Variants in P2RX5 observed in about 807,000 individuals in gnomAD.
The protein encoded by P2RX5 is purinergic receptor P2X 5, also known as P2X purinoceptor 5.
Under a neutral mutation model 54.1 loss-of-function variants are expected in P2RX5, and 46 were observed. That is an observed-to-expected ratio of 0.85 (90% CI 0.67 to 1.09). The LOEUF (loss-of-function observed/expected upper bound fraction) is 1.09, where lower values mean the gene tolerates loss of function less well. Ranked by LOEUF, P2RX5 falls within the 50% of genes least tolerant of loss-of-function variation. The probability of loss-of-function intolerance (pLI) is 0.00; values close to 1 mark genes in which losing one functional copy is unlikely to be tolerated. For missense variants in P2RX5, 566 were observed against 549.8 expected (o/e 1.03, Z -0.29); for synonymous variants, 226 against 226.4 (o/e 1.00, Z 0.02).
the P2RX5 span, among the ~76,000 whole-genome samples, chr17:3,709,768 G>C: frequency 1.3e-5 from 2 of 152,064 alleles, no homozygotes; most frequent in African/African-American, 4.8e-5. Flanking sequence ...AATTAGCTGG[G>C]CATGGTGGCG....
At chr17:3,688,908 C>T in intron 7 of P2RX5, 149 bp from the exon 8 acceptor site, 1 of 842,874 alleles carries the variant, frequency 1.2e-6, no homozygotes, top group South Asian at 1.4e-5. Context: ...AGGCTTAGTC[C>T]CCCCATGGAG....
chr17:3,702,797 A>G, the P2RX5 span, among the ~76,000 whole-genome samples: 1 of 152,164 alleles, frequency 6.6e-6, no homozygotes, highest in Admixed American at 6.6e-5. Context: ...TTCCAGACAC[A>G]TTGGGACTAT....
intron 1 of P2RX5, among the ~76,000 whole-genome samples, chr17:3,692,978 G>A (rs2654679): frequency 0.16 from 23,765 of 152,062 alleles, 2,543 homozygotes; most frequent in South Asian, 0.47. Flanking sequence ...AAAGTGAAAA[G>A]ACAACCCACA....
In P2RX5 at chr17:3,689,683, G is replaced by A. The variant is rs187885377; in HGVS notation, c.615-53C>T. ...AATGAAGTAAGACTTGATGTTTCCC[G>A]GCCTGGCCAGGAGTCACTCGGTCCC... On this transcript the variant is annotated intron_variant, in intron 6 of 11. Transcript: ENST00000225328. The A allele has an allele frequency of 4.0e-5, 65 of 1,611,634 alleles. No homozygotes were observed. In the South Asian group the frequency reaches 6.2e-4, roughly 15 times the overall value.
the P2RX5 span, chr17:3,723,311 T>G: frequency 6.2e-7 from 1 of 1,612,794 alleles, no homozygotes; most frequent in Non-Finnish European, 8.5e-7. Context: ...TCCCAGGAGA[T>G]CTCTGCAGCC....
Position 3,681,891 on chromosome 17 carries a change from C to A in P2RX5, c.1064+5G>T. On this transcript the variant is annotated splice_donor_5th_base_variant and intron_variant, in intron 10 of 11. Coordinates refer to ENST00000225328, the MANE Select transcript of P2RX5 (RefSeq NM_002561.4). ...TCGGGCCGCCGGCCTGGAAGCGGAA[C>A]TGACCTCACTTCCTCGTACTTCTTG... 6.2e-7 allele frequency: 1 copy of A among 1,603,564 alleles called. No individual in the cohort carries two copies. The highest frequency in any genetic ancestry group is 2.2e-5 in the East Asian group (1 of 44,820).
rs751878310 is a variant in P2RX5, at chr17:3,690,074, A to G, written c.610T>C (p.Ser204Pro). Residue 204 changes from serine to proline, a missense_variant, in exon 6 of 12, where the codon TCC becomes CCC. Ser to Pro is a moderately conservative substitution (Grantham distance 74, BLOSUM62 -1). Transcript: ENST00000225328. ...NHIRFPKFNF[S>P]KSNVMDVKDR... ...CCAGTAGCCAAGCCCACGTACTTGGAGAAGTTGAATTTGGGGAAACGGATG... is the reference window on the plus strand; with the variant it reads ...CCAGTAGCCAAGCCCACGTACTTGGGGAAGTTGAATTTGGGGAAACGGATG... 2 of 1,614,040 alleles carry G rather than the reference A, an allele frequency of 1.2e-6. No individual in the cohort carries two copies. The highest frequency in any genetic ancestry group is 2.2e-5 in the South Asian group (2 of 91,084).
rs1483463949 is a variant in P2RX5, at chr17:3,690,993, A to G, written c.323T>C (p.Ile108Thr). The G allele has an allele frequency of 8.7e-6, 14 of 1,612,970 alleles. No individual in the cohort carries two copies. Among genetic ancestry groups the G allele is most frequent in the Non-Finnish European group, 1.1e-5 (13 of 1,179,760 alleles). Reference sequence around the variant, plus strand: ...GTTCTGCCGCTGGTTGGGGGTCACAATCAGGTTGGTGACCACAAAAAAGAC... The same window carrying G: ...GTTCTGCCGCTGGTTGGGGGTCACAGTCAGGTTGGTGACCACAAAAAAGAC... ...ENVFFVVTNL[I>T]VTPNQRQNVC... The change falls in exon 3 of 12, where the codon ATT (isoleucine) becomes ACT (threonine). Residue 108 changes from isoleucine (I) to threonine (T), a missense_variant. Physicochemically the swap from Ile to Thr is moderately conservative, Grantham distance 89 (BLOSUM62 -1). Transcript: ENST00000225328.
At chr17:3,722,932 G>C in the P2RX5 span, among the ~76,000 whole-genome samples, 1 of 152,230 alleles carries the variant, frequency 6.6e-6, no homozygotes, top group African/African-American at 2.4e-5. Context: ...GAAGGTTATT[G>C]CAACAGCCCT....
the P2RX5 span, chr17:3,716,790 G>T: frequency 6.4e-7 from 1 of 1,569,510 alleles, no homozygotes; most frequent in South Asian, 1.1e-5. Context: ...TCAGGAAGAC[G>T]ACAGTGATCT....
chr17:3,712,957 C>G, the P2RX5 span, among the ~76,000 whole-genome samples: 1 of 151,966 alleles, frequency 6.6e-6, no homozygotes, highest in Admixed American at 6.6e-5. Flanking sequence ...AAAACAAAAC[C>G]ACAGTTCAGT....
chr17:3,720,980 G>A, the P2RX5 span, among the ~76,000 whole-genome samples: 5 of 152,174 alleles, frequency 3.3e-5, no homozygotes, highest in African/African-American at 9.7e-5. Context: ...CCATGCTGGA[G>A]TGCAATGGCA....
chr17:3,688,191 A>G lies in P2RX5; in HGVS notation c.888-86T>C, dbSNP rs577598577. On this transcript the variant is annotated intron_variant, in intron 8 of 11. Coordinates refer to ENST00000225328, the MANE Select transcript of P2RX5 (RefSeq NM_002561.4). ...ACTGATGTGGCTGCTCTGGGGACTT[A>G]GAAGGACTCCCGGAACCCTGACTCT... The G allele has an allele frequency of 8.3e-4, 636 of 767,852 alleles. 4 individuals are homozygous for G. The African/African-American group carries it at 9.6e-3, about 12-fold the overall frequency. 47.6% of individuals were successfully genotyped at this position (767,852 alleles called of 1,614,324 possible). A position where few individuals can be genotyped will look rare whatever the true frequency, so the allele number is the denominator to read the frequency against.
upstream of P2RX5, chr17:3,696,485 C>T (rs2050761644): frequency 6.6e-6 from 1 of 152,258 alleles, no homozygotes. Context: ...GACGGAGCCT[C>T]GCTCTGTCGC....
chr17:3,716,747 T>C, the P2RX5 span: 1 of 1,612,110 alleles, frequency 6.2e-7, no homozygotes, highest in African/African-American at 1.3e-5. Context: ...CTGCCTTTAA[T>C]GATGATAGGC....
chr17:3,690,723 G>A (rs758387807), intron 3 of P2RX5, 43 bp from the exon 4 acceptor site: 2 of 1,579,570 alleles, frequency 1.3e-6, no homozygotes, highest in Admixed American at 3.3e-5. Context: ...GGTTCCCCCA[G>A]CTCAGAGCCG....
upstream of P2RX5, among the ~76,000 whole-genome samples, chr17:3,698,132 C>A (rs55718064): frequency 4.6e-3 from 699 of 152,020 alleles, 5 homozygotes; most frequent in Non-Finnish European, 6.8e-3. Flanking sequence ...CATCTTGGCT[C>A]TCCTGCCAGC....
intron 1 of P2RX5, 70 bp from the exon 2 acceptor site, chr17:3,691,864 G>C (rs752679089): frequency 5.2e-6 from 8 of 1,541,740 alleles, no homozygotes; most frequent in Middle Eastern, 1.7e-4. Context: ...CCAGGCCTTG[G>C]GGTGGGGTAG....
the P2RX5 span, among the ~76,000 whole-genome samples, chr17:3,709,312 G>C: frequency 6.6e-6 from 1 of 152,086 alleles, no homozygotes; most frequent in African/African-American, 2.4e-5. Flanking sequence ...TTGCGACAAA[G>C]GCAAATTTTC....
Sources: allele counts gnomAD v4.1 joint callset (sites outside exome capture counted in the v4.1 genomes callset), GRCh38; gene constraint gnomAD v4.1.1; transcripts MANE v1.5; gene names NCBI Gene and HGNC (gene_info 2026-07-23, HGNC 2026-07-21).